The following STBD1 variants were observed in gnomAD, a reference collection of about 807,000 sequenced individuals.
STBD1 encodes starch-binding domain-containing protein 1.
Under a neutral mutation model 10.5 loss-of-function variants are expected in STBD1, and 13 were observed. That is an observed-to-expected ratio of 1.24 (90% CI 0.81 to 1.97). The LOEUF (loss-of-function observed/expected upper bound fraction) is 1.97, where lower values mean the gene tolerates loss of function less well. Among genes scored for constraint, STBD1 ranks in the 30% most tolerant of loss-of-function variants. STBD1 has a pLI of 0.00. For missense variants in STBD1, 427 were observed against 435.6 expected (o/e 0.98, Z 0.17); for synonymous variants, 146 against 160.2 (o/e 0.91, Z 0.67).
chr4:76,307,128 C>G (rs1279247124), intron 1 of STBD1, 139 bp downstream of exon 1: 7 of 888,740 alleles, frequency 7.9e-6, no homozygotes, highest in African/African-American at 5.0e-5. Flanking sequence ...GGGACTGGGC[C>G]ATCCCCACGC....
rs1363004085 is a variant in STBD1 at position 76,306,895 on chromosome 4, C to G, written c.126C>G (p.Ala42=). ...GGGATGCGGAGCAGGAGAAAGACGC[C>G]CCTCTTGGGGGAGCTGCGATTCCGG... ...KDGDAEQEKD[A]PLGGAAIPGG... Residue 42 remains alanine (A), a synonymous_variant, in exon 1 of 2, where the codon GCC becomes GCG. Coordinates refer to ENST00000237642, the MANE Select transcript of STBD1 (RefSeq NM_003943.5). 7 of 1,612,076 alleles carry G rather than the reference C, an allele frequency of 4.3e-6. No homozygotes were observed. The South Asian group carries it at 7.7e-5, about 18-fold the overall frequency.
At chr4:76,307,118 G>T (rs1472376719) in intron 1 of STBD1, 129 bp downstream of exon 1, 17 of 968,956 alleles carry the variant, frequency 1.8e-5, no homozygotes, top group Non-Finnish European at 2.7e-5. Context: ...CTCTCCTAAG[G>T]GGACTGGGCC....
rs2110044713 is a variant in STBD1, at chr4:76,310,878, G to A, written c.*878G>A. 6.6e-6 allele frequency: 1 copy of A among 152,268 alleles called. No homozygotes were observed. Among genetic ancestry groups the A allele is most frequent in the South Asian group, 2.1e-4 (1 of 4,814 alleles). 9.4% of individuals were successfully genotyped at this position (152,268 alleles called of 1,614,324 possible). On this transcript the variant is annotated 3_prime_UTR_variant, in exon 2 of 2. Transcript: ENST00000237642. ...GGATGCACCCATCATTTACCCATGG[G>A]AGCATCTGTAGGACCATCTCTCTCC...
chr4:76,307,617 G>T (rs1352552369), intron 1 of STBD1, among the ~76,000 whole-genome samples: 1 of 152,156 alleles, frequency 6.6e-6, no homozygotes, highest in Non-Finnish European at 1.5e-5. Context: ...TCCCCTCCAC[G>T]CTGCCCCAGA....
At position 76,310,134 on chromosome 4, in the gene STBD1, T is replaced by TTGTCTACTGTGCAGAAATATATA; in HGVS notation, c.*140_*141insCTGTGCAGAAATATATATGTCTA. On this transcript the variant is annotated 3_prime_UTR_variant, in exon 2 of 2. Coordinates refer to ENST00000237642, the MANE Select transcript of STBD1 (RefSeq NM_003943.5). ...AATTGTTTAAATTTGCTAGTGGATT[T>TTGTCTACTGTGCAGAAATATATA]TGTCTAATGTGCAGAAATATATATG... 3 of 1,211,052 alleles carry TTGTCTACTGTGCAGAAATATATA rather than the reference T, an allele frequency of 2.5e-6. No homozygotes were observed. Among genetic ancestry groups the TTGTCTACTGTGCAGAAATATATA allele is most frequent in the Non-Finnish European group, 3.4e-6 (3 of 873,006 alleles). 75.0% of individuals were successfully genotyped at this position (1,211,052 alleles called of 1,614,324 possible).
chr4:76,307,084 T>G, intron 1 of STBD1, 95 bp downstream of exon 1: 1 of 1,286,972 alleles, frequency 7.8e-7, no homozygotes, highest in Non-Finnish European at 1.1e-6. Context: ...GGAGCTTTCC[T>G]AGGGGCCCAT....
Position 76,306,813 on chromosome 4 carries a change from C to A in STBD1, c.44C>A (p.Ala15Asp), listed in dbSNP as rs759427326. The change falls in exon 1 of 2, where the codon GCC (alanine) becomes GAC (aspartate). Residue 15 changes from alanine (A) to aspartate (D), a missense_variant. By Grantham distance (126) the Ala-to-Asp change is moderately radical. Transcript: ENST00000237642. ...GCCCTGCTGGTTGGAGGGGGTCTGG[C>A]CGGAGCACTTTTCGTTTGGCTGCTG... ...WSALLVGGGL[A>D]GALFVWLLRG... is the part of the protein sequence containing the mutation. 24 of 1,612,442 alleles carry A rather than the reference C, an allele frequency of 1.5e-5. No individual in the cohort carries two copies. The highest frequency in any genetic ancestry group is 2.0e-5 in the Non-Finnish European group (24 of 1,179,612).
chr4:76,309,765 T>C lies in STBD1; in HGVS notation c.842T>C (p.Ile281Thr). 1.9e-6 allele frequency: 3 copies of C among 1,614,230 alleles called. No homozygotes were observed. The highest frequency in any genetic ancestry group is 2.5e-6 in the Non-Finnish European group (3 of 1,180,044). The change falls in exon 2 of 2, where the codon ATT becomes ACT. Residue 281 changes from isoleucine to threonine, a missense_variant. Coordinates refer to ENST00000237642, the MANE Select transcript of STBD1 (RefSeq NM_003943.5). The stretch of plus-strand genomic sequence containing the variant: ...GTCACAAGCACTGATGTGCAATTCA[T>C]TGCAGTAACTGGAGACCATGAGTGT... Reference protein sequence around the residue: ...HYVTSTDVQFIAVTGDHECLG... With the variant: ...HYVTSTDVQFTAVTGDHECLG...
chr4:76,309,021 G>T, intron 1 of STBD1, 123 bp from the exon 2 acceptor site: 1 of 1,343,598 alleles, frequency 7.4e-7, no homozygotes, highest in Non-Finnish European at 1.0e-6. Flanking sequence ...TAATAGAGGG[G>T]GACTTTGTGA....
chr4:76,309,559 G>T lies in STBD1; in HGVS notation c.636G>T (p.Trp212Cys), dbSNP rs116711386. 4.0e-5 allele frequency: 64 copies of T among 1,614,104 alleles called. No individual in the cohort carries two copies. In the East Asian group the frequency reaches 5.8e-4, roughly 15 times the overall value. The change falls in exon 2 of 2, where the codon TGG (tryptophan) becomes TGT (cysteine). Residue 212 changes from tryptophan to cysteine, a missense_variant. Physicochemically the swap from Trp to Cys is radical, Grantham distance 215. Coordinates refer to ENST00000237642, the MANE Select transcript of STBD1 (RefSeq NM_003943.5). ...EWEMVPRHSS[W>C]GDVGVGGSLK... The stretch of plus-strand genomic sequence containing the variant: ...AAATGGTGCCTAGGCACTCATCTTG[G>T]GGGGATGTTGGTGTGGGTGGCAGTC...
In STBD1 at chr4:76,309,641, G is replaced by C; in HGVS notation, c.718G>C (p.Val240Leu). 1 of 1,614,250 alleles carries C rather than the reference G, an allele frequency of 6.2e-7. No individual in the cohort carries two copies. The highest frequency in any genetic ancestry group is 1.1e-5 in the South Asian group (1 of 91,082). ...QGMDNGRSTLVEARGQQVHGK... is the reference protein window; with the variant it reads ...QGMDNGRSTLLEARGQQVHGK... ...AATGGACAATGGAAGAAGCACTTTGGTGGAAGCAAGAGGTCAGCAAGTGCA... is the reference window on the plus strand; with the variant it reads ...AATGGACAATGGAAGAAGCACTTTGCTGGAAGCAAGAGGTCAGCAAGTGCA... Residue 240 changes from valine (V) to leucine (L), a missense_variant, in exon 2 of 2, where the codon GTG becomes CTG. Coordinates refer to ENST00000237642, the MANE Select transcript of STBD1 (RefSeq NM_003943.5).
chr4:76,310,150 AATAT>A lies in STBD1; in HGVS notation c.*155_*158del. The A allele has an allele frequency of 1.1e-6, 1 of 921,604 alleles. No individual in the cohort carries two copies. The highest frequency in any genetic ancestry group is 1.6e-6 in the Non-Finnish European group (1 of 614,732). 57.1% of individuals were successfully genotyped at this position (921,604 alleles called of 1,614,324 possible). On this transcript the variant is annotated 3_prime_UTR_variant, in exon 2 of 2. Coordinates refer to ENST00000237642, the MANE Select transcript of STBD1 (RefSeq NM_003943.5). ...TAGTGGATTTTGTCTAATGTGCAGA[AATAT>A]ATATGTCTAATGTGCAGAAATATAT...
At position 76,310,168 on chromosome 4, in the gene STBD1, G is replaced by A; in HGVS notation, c.*168G>A. The A allele has an allele frequency of 2.6e-6, 2 of 784,108 alleles. No individual in the cohort carries two copies. Among genetic ancestry groups the A allele is most frequent in the Non-Finnish European group, 4.0e-6 (2 of 497,212 alleles). 48.6% of individuals were successfully genotyped at this position (784,108 alleles called of 1,614,324 possible). ...GTGCAGAAATATATATGTCTAATGT[G>A]CAGAAATATATATGTGTGTATGTGT... On this transcript the variant is annotated 3_prime_UTR_variant, in exon 2 of 2. Transcript: ENST00000237642.
Position 76,309,334 on chromosome 4 carries a change from C to T in STBD1, c.411C>T (p.Tyr137=), listed in dbSNP as rs1160009937. Reference sequence around the variant, plus strand: ...CTGAGACCAGTAACTCTAGGAGTTACTCTGAAGTTTCAAGAAATGAAAGCC... The same window carrying T: ...CTGAGACCAGTAACTCTAGGAGTTATTCTGAAGTTTCAAGAAATGAAAGCC... ...ATSETSNSRS[Y]SEVSRNESLE... is the part of the protein sequence containing the mutation. Residue 137 remains tyrosine, a synonymous_variant, in exon 2 of 2, where the codon TAC becomes TAT. Coordinates refer to ENST00000237642, the MANE Select transcript of STBD1 (RefSeq NM_003943.5). 6.2e-7 allele frequency: 1 copy of T among 1,612,778 alleles called. No individual in the cohort carries two copies. Among genetic ancestry groups the T allele is most frequent in the East Asian group, 2.2e-5 (1 of 44,886 alleles).
chr4:76,310,074 A>T lies in STBD1; in HGVS notation c.*74A>T. 11 of 1,514,430 alleles carry T rather than the reference A, an allele frequency of 7.3e-6. No individual in the cohort carries two copies. The highest frequency in any genetic ancestry group is 9.7e-6 in the Non-Finnish European group (11 of 1,137,354). 93.8% of individuals were successfully genotyped at this position (1,514,430 alleles called of 1,614,324 possible). A position where few individuals can be genotyped will look rare whatever the true frequency, so the allele number is the denominator to read the frequency against. ...TGAGGTTGTGGAACACACTGAATAA[A>T]ATAAAGGCAGTGTGACTCCAAATTC... is the stretch of plus-strand genomic sequence containing the variant. On this transcript the variant is annotated 3_prime_UTR_variant, in exon 2 of 2. Transcript: ENST00000237642.
At position 76,309,289 on chromosome 4, in the gene STBD1, C is replaced by T; in HGVS notation, c.366C>T (p.Asp122=). 1.2e-6 allele frequency: 2 copies of T among 1,614,138 alleles called. No homozygotes were observed. The highest frequency in any genetic ancestry group is 1.7e-6 in the Non-Finnish European group (2 of 1,180,028). ...ATGTTCCTTCTGGACAGTTTCCAGA[C>T]ACAGAAGCTCCAGCTACCTCTGAGA... ...REHVPSGQFP[D]TEAPATSETS... Residue 122 remains aspartate, a synonymous_variant, in exon 2 of 2, where the codon GAC becomes GAT. Coordinates refer to ENST00000237642, the MANE Select transcript of STBD1 (RefSeq NM_003943.5).
At chr4:76,308,266 C>G (rs896578999) in intron 1 of STBD1, among the ~76,000 whole-genome samples, 2 of 102,200 alleles carry the variant, frequency 2.0e-5, no homozygotes, top group Non-Finnish European at 4.2e-5. Context: ...GAGCGAGACT[C>G]CATCTCAAAA....
In STBD1 at chr4:76,306,811, G is replaced by T; in HGVS notation, c.42G>T (p.Leu14=). ...VWSALLVGGG[L]AGALFVWLLR... The stretch of plus-strand genomic sequence containing the variant: ...CCGCCCTGCTGGTTGGAGGGGGTCT[G>T]GCCGGAGCACTTTTCGTTTGGCTGC... The change falls in exon 1 of 2, where the codon CTG becomes CTT. Residue 14 remains leucine, a synonymous_variant. Coordinates refer to ENST00000237642, the MANE Select transcript of STBD1 (RefSeq NM_003943.5). 1 of 1,612,788 alleles carries T rather than the reference G, an allele frequency of 6.2e-7. No homozygotes were observed. The highest frequency in any genetic ancestry group is 8.5e-7 in the Non-Finnish European group (1 of 1,179,704).
chr4:76,308,256 G>C (rs1035547707), intron 1 of STBD1, among the ~76,000 whole-genome samples: 1 of 127,770 alleles, frequency 7.8e-6, no homozygotes, highest in African/African-American at 3.0e-5. Flanking sequence ...CTGGGTGACA[G>C]AGCGAGACTC....
Sources: gnomAD v4.1 joint callset for allele counts (sites outside exome capture counted in the v4.1 genomes callset) on GRCh38, gnomAD v4.1.1 for gene constraint, MANE v1.5 for transcripts, NCBI Gene and HGNC (gene_info 2026-07-23, HGNC 2026-07-21) for gene names.